TRAPPC9: variants seen among roughly 807,000 people sequenced by gnomAD.
TRAPPC9 encodes the protein IKK2 binding protein.
In TRAPPC9, 83 loss-of-function variants were observed where a neutral mutation model predicts 124.0. The ratio of observed to expected loss-of-function variants is 0.67; its 90% CI spans 0.56 to 0.80. TRAPPC9 has a LOEUF of 0.80. Among genes scored for constraint, TRAPPC9 ranks in the 30% least tolerant of loss-of-function variants. The pLI, the probability that TRAPPC9 is intolerant of heterozygous loss-of-function variation, is 0.00. For synonymous variants in TRAPPC9, 638 were observed against 617.5 expected, an observed-to-expected ratio of 1.03 and a Z score of -0.49; for missense variants, 1,302 against 1,508.3, an observed-to-expected ratio of 0.86 and a Z score of 2.27.
intron 17 of TRAPPC9, among the ~76,000 whole-genome samples, chr8:140,188,061 A>C (rs763117419): frequency 2.0e-5 from 3 of 152,092 alleles, no homozygotes; most frequent in Non-Finnish European, 4.4e-5. Flanking sequence ...CTCCCCACAA[A>C]ATATCCAGGA....
At chr8:140,181,437 G>GTTTGT (rs555307159) in intron 17 of TRAPPC9, among the ~76,000 whole-genome samples, 13 of 151,984 alleles carry the variant, frequency 8.6e-5, no homozygotes, top group African/African-American at 3.1e-4. Context: ...AGTTTTGTTG[G>GTTTGT]TTTGTTTTGT....
chr8:139,754,026 AATCTTGAACGGACAAGTGCAAAAAG>A (rs543619728), intron 21 of TRAPPC9, among the ~76,000 whole-genome samples: 63 of 152,360 alleles, frequency 4.1e-4, no homozygotes, highest in Non-Finnish European at 6.0e-4. Flanking sequence ...GGCACGTCTC[AATCTTGAACGGACAAGTGCAAAAAG>A]AGAGACCATC....
chr8:140,181,248 T>C (rs1461428093), intron 17 of TRAPPC9, among the ~76,000 whole-genome samples: 3 of 152,172 alleles, frequency 2.0e-5, no homozygotes, highest in Non-Finnish European at 4.4e-5. Context: ...TCAACCACCA[T>C]ATATCTATTT....
At chr8:140,170,381 C>T (rs1473743125) in intron 17 of TRAPPC9, among the ~76,000 whole-genome samples, 1 of 152,222 alleles carries the variant, frequency 6.6e-6, no homozygotes. Context: ...CCAAAGGCTG[C>T]TCAGCCAATA....
At chr8:140,110,038 G>A (rs973937465) in intron 17 of TRAPPC9, among the ~76,000 whole-genome samples, 3 of 152,070 alleles carry the variant, frequency 2.0e-5, no homozygotes, top group Non-Finnish European at 4.4e-5. Context: ...GGCTCCGCAT[G>A]CCCCTGAGCT....
intron 11 of TRAPPC9, among the ~76,000 whole-genome samples, chr8:140,294,221 C>T (rs2065742626): frequency 6.6e-6 from 1 of 152,124 alleles, no homozygotes; most frequent in African/African-American, 2.4e-5. Flanking sequence ...TGCCCCCCAC[C>T]TCCCAGGCCC....
At chr8:139,859,592 G>C (rs755028069) in intron 21 of TRAPPC9, among the ~76,000 whole-genome samples, 13 of 152,218 alleles carry the variant, frequency 8.5e-5, no homozygotes, top group Non-Finnish European at 1.9e-4. Context: ...CCCAACCGGA[G>C]ACACTCAGCC....
intron 16 of TRAPPC9, among the ~76,000 whole-genome samples, chr8:140,224,183 T>C (rs144572938): frequency 8.2e-4 from 125 of 152,296 alleles, no homozygotes; most frequent in African/African-American, 2.7e-3. Flanking sequence ...CAGCTCAGGC[T>C]GAATAGGCAT....
chr8:139,994,687 G>T (rs188789101), intron 18 of TRAPPC9, among the ~76,000 whole-genome samples: 1 of 152,232 alleles, frequency 6.6e-6, no homozygotes, highest in East Asian at 1.9e-4. Context: ...GTTTTAAAAT[G>T]ACTTCAGATC....
intron 9 of TRAPPC9, among the ~76,000 whole-genome samples, chr8:140,348,044 G>C (rs760479712): frequency 6.6e-6 from 1 of 152,236 alleles, no homozygotes; most frequent in Non-Finnish European, 1.5e-5. Context: ...GCAGCTCTAA[G>C]AAGGGCATTC....
chr8:139,954,364 C>T (rs1299115472), intron 19 of TRAPPC9, among the ~76,000 whole-genome samples: 2 of 152,100 alleles, frequency 1.3e-5, no homozygotes, highest in Admixed American at 1.3e-4. Flanking sequence ...GTACGCTTCC[C>T]CTCAAAGTGA....
chr8:139,792,407 C>T (rs933094778), intron 21 of TRAPPC9, among the ~76,000 whole-genome samples: 11 of 152,192 alleles, frequency 7.2e-5, no homozygotes, highest in East Asian at 1.9e-4. Context: ...GTGCCACACG[C>T]GTGTGCGCGT....
intron 19 of TRAPPC9, among the ~76,000 whole-genome samples, chr8:139,925,827 G>GCACACGCACACGCA (rs1554673866): frequency 2.9e-5 from 2 of 68,660 alleles, no homozygotes; most frequent in African/African-American, 8.2e-5. Context: ...ACACGCACAC[G>GCACACGCACACGCA]CACACACACA....
chr8:140,177,241 T>C (rs995861717), intron 17 of TRAPPC9, among the ~76,000 whole-genome samples: 2 of 152,256 alleles, frequency 1.3e-5, no homozygotes, highest in African/African-American at 4.8e-5. Flanking sequence ...TTTTCTTGAA[T>C]GTTTTCTTCT....
intron 21 of TRAPPC9, among the ~76,000 whole-genome samples, chr8:139,859,310 C>A (rs1448383267): frequency 1.3e-5 from 2 of 152,122 alleles, no homozygotes; most frequent in African/African-American, 4.8e-5. Context: ...GATCACCAAG[C>A]CCAGCCTGCG....
intron 17 of TRAPPC9, among the ~76,000 whole-genome samples, chr8:140,174,446 T>C (rs994081578): frequency 8.5e-5 from 13 of 152,354 alleles, no homozygotes; most frequent in Admixed American, 5.9e-4. Flanking sequence ...TTGGAAACGG[T>C]ATACAACTCA....
intron 21 of TRAPPC9, among the ~76,000 whole-genome samples, chr8:139,774,760 A>C (rs1821243007): frequency 6.6e-6 from 1 of 152,208 alleles, no homozygotes; most frequent in South Asian, 2.1e-4. Flanking sequence ...TGATGAGGAT[A>C]GGAAGACTTG....
intron 6 of TRAPPC9, among the ~76,000 whole-genome samples, chr8:140,404,762 A>T (rs1484933161): frequency 6.7e-6 from 1 of 149,702 alleles, no homozygotes; most frequent in Non-Finnish European, 1.5e-5. Flanking sequence ...GTGTACGTGC[A>T]TGTGTGTGCG....
intron 11 of TRAPPC9, among the ~76,000 whole-genome samples, chr8:140,294,186 T>TGTC (rs1356302679): frequency 3.3e-5 from 5 of 152,098 alleles, no homozygotes; most frequent in Non-Finnish European, 7.4e-5. Flanking sequence ...ACTCAGGTCT[T>TGTC]GTCCTTCCCT....
Sources: gnomAD v4.1 joint callset for allele counts (sites outside exome capture counted in the v4.1 genomes callset) on GRCh38, gnomAD v4.1.1 for gene constraint, MANE v1.5 for transcripts, NCBI Gene and HGNC (gene_info 2026-07-23, HGNC 2026-07-21) for gene names.